Variants in CHERP observed in about 807,000 individuals in gnomAD.
CHERP encodes calcium homeostasis endoplasmic reticulum protein, also known as ERPROT 213-21.
A neutral mutation model predicts 113.8 loss-of-function variants in CHERP; 8 were observed. The ratio of observed to expected loss-of-function variants is 0.07; its 90% CI spans 0.04 to 0.13. The LOEUF is 0.13. Among genes scored for constraint, CHERP ranks in the 10% least tolerant of loss-of-function variants. CHERP has a pLI of 1.00. For missense variants in CHERP, 884 were observed against 1,298.2 expected (o/e 0.68, Z 4.90); for synonymous variants, 559 against 524.5 (o/e 1.07, Z -0.90).
At position 16,542,118 on chromosome 19, in the gene CHERP, C is replaced by G; in HGVS notation, c.26-75G>C. The G allele has an allele frequency of 2.7e-6, 4 of 1,495,110 alleles. No individual in the cohort carries two copies. In the South Asian group the frequency reaches 5.2e-5, roughly 19 times the overall value. 92.6% of individuals were successfully genotyped at this position (1,495,110 alleles called of 1,614,324 possible). Reference sequence around the variant, plus strand: ...AGCCGGGGGACTCGGCGCCCCAGCCCCCGTCCGCCTTGCCGGGGACCCCAA... The same window carrying G: ...AGCCGGGGGACTCGGCGCCCCAGCCGCCGTCCGCCTTGCCGGGGACCCCAA... On this transcript the variant is annotated intron_variant, in intron 1 of 16. Coordinates refer to ENST00000546361, the MANE Select transcript of CHERP (RefSeq NM_006387.6).
Position 16,523,169 on chromosome 19 carries a change from C to A in CHERP, c.1863G>T (p.Gly621=). Residue 621 remains glycine (G), a synonymous_variant, in exon 11 of 17, where the codon GGG becomes GGT. Transcript: ENST00000546361. This position sits in a 1 kb window ranked among gnomAD's most constrained non-coding sequence, Gnocchi z 4.0. ...DFGPPPHGFN[G]QPPHMRRQGP... ...CCTGTCGCCGCATGTGTGGGGGCTG[C>A]CCGTTGAAGCCATGGGGGGGAGGGC... 1 of 1,567,842 alleles carries A rather than the reference C, an allele frequency of 6.4e-7. No homozygotes were observed. The highest frequency in any genetic ancestry group is 8.6e-7 in the Non-Finnish European group (1 of 1,160,154).
intron 11 of CHERP, among the ~76,000 whole-genome samples, chr19:16,522,485 T>C (rs2085625925): frequency 6.6e-6 from 1 of 152,122 alleles, no homozygotes. Flanking sequence ...GGTCTCGATC[T>C]CCTGACCTCG....
At chr19:16,526,860 G>C (rs2085660846) in intron 9 of CHERP, among the ~76,000 whole-genome samples, 1 of 152,148 alleles carries the variant, frequency 6.6e-6, no homozygotes. Context: ...AGTCCTGGCT[G>C]AACCAATCTT....
Position 16,529,914 on chromosome 19 carries a change from G to T in CHERP, c.877-14C>A. The T allele has an allele frequency of 6.2e-7, 1 of 1,610,392 alleles. No homozygotes were observed. The highest frequency in any genetic ancestry group is 1.1e-5 in the South Asian group (1 of 90,890). On this transcript the variant is annotated splice_polypyrimidine_tract_variant and intron_variant, in intron 7 of 16. Coordinates refer to ENST00000546361, the MANE Select transcript of CHERP (RefSeq NM_006387.6). Reference sequence around the variant, plus strand: ...GATGAGGGTGGCCTGAGAGAGAGAAGAGCACCCGCTGCTCAGTATGCGGCC... The same window carrying T: ...GATGAGGGTGGCCTGAGAGAGAGAATAGCACCCGCTGCTCAGTATGCGGCC...
rs551957775 is a variant in CHERP at position 16,529,706 on chromosome 19, C to T, written c.1071G>A (p.Pro357=). 43 of 1,589,314 alleles carry T rather than the reference C, an allele frequency of 2.7e-5. No individual in the cohort carries two copies. The East Asian group carries it at 4.5e-4, about 17-fold the overall frequency. The change falls in exon 8 of 17, where the codon CCG becomes CCA. Residue 357 remains proline, a synonymous_variant. Transcript: ENST00000546361. ...GTGCTGGGGCCGGGGGTGGAGCAGG[C>T]GGTGGAGGCGTGGCCTTGACTTCAG... ...MEAEVKATPP[P]PAPPPAPAPA...
chr19:16,522,064 T>G (rs2085620753), intron 11 of CHERP, among the ~76,000 whole-genome samples: 1 of 152,176 alleles, frequency 6.6e-6, no homozygotes, highest in South Asian at 2.1e-4. Flanking sequence ...GCCTGTATCC[T>G]TCTTCTGCTC....
Position 16,520,312 on chromosome 19 carries a change from G to A in CHERP, c.2346-47C>T. ...GGTCAGCAGCAGCCAGGCGTCGTGG[G>A]GAGGCCACAGGAAGAGGCCTCAGGC... On this transcript the variant is annotated intron_variant, in intron 14 of 16. Coordinates refer to ENST00000546361, the MANE Select transcript of CHERP (RefSeq NM_006387.6). This position sits in a 1 kb window ranked among gnomAD's most constrained non-coding sequence, Gnocchi z 4.0. 1 of 1,610,788 alleles carries A rather than the reference G, an allele frequency of 6.2e-7. No individual in the cohort carries two copies. The highest frequency in any genetic ancestry group is 8.5e-7 in the Non-Finnish European group (1 of 1,177,730).
At position 16,535,511 on chromosome 19, in the gene CHERP, T is replaced by C; in HGVS notation, c.325A>G (p.Ile109Val). The change falls in exon 3 of 17, where the codon ATC becomes GTC. Residue 109 changes from isoleucine to valine, a missense_variant. Transcript: ENST00000546361. The surrounding 1 kb of genome is among the most constrained non-coding windows in gnomAD (Gnocchi z 4.3). ...TGGAGGTTCCACTGGCTCTGCTGGATGAGCTCGTCCATGGATGGCGCGCCC... is the reference window on the plus strand; with the variant it reads ...TGGAGGTTCCACTGGCTCTGCTGGACGAGCTCGTCCATGGATGGCGCGCCC... The part of the protein sequence containing the change: ...AQGAPSMDEL[I>V]QQSQWNLQQQ... 6.2e-7 allele frequency: 1 copy of C among 1,608,366 alleles called. No individual in the cohort carries two copies. Among genetic ancestry groups the C allele is most frequent in the South Asian group, 1.1e-5 (1 of 90,080 alleles).
intron 2 of CHERP, among the ~76,000 whole-genome samples, chr19:16,536,736 G>T (rs2085743730): frequency 6.6e-6 from 1 of 152,194 alleles, no homozygotes; most frequent in South Asian, 2.1e-4. Context: ...AACACATTGG[G>T]CTGGGCATGA....
rs1273926779 is a variant in CHERP at position 16,532,855 on chromosome 19, G to A, written c.523-106C>T. ...ATCAGCTCAGGGAAGGACACACCAT[G>A]AGCGTGGGGGGCACAGGGTCCCACA... On this transcript the variant is annotated intron_variant, in intron 4 of 16. Coordinates refer to ENST00000546361, the MANE Select transcript of CHERP (RefSeq NM_006387.6). This position sits in a 1 kb window ranked among gnomAD's most constrained non-coding sequence, Gnocchi z 4.4. 15 of 1,540,022 alleles carry A rather than the reference G, an allele frequency of 9.7e-6. No individual in the cohort carries two copies. Among genetic ancestry groups the A allele is most frequent in the Non-Finnish European group, 8.8e-6 (10 of 1,139,070 alleles).
At chr19:16,527,982 C>T (rs2085667838) in intron 9 of CHERP, 98 bp downstream of exon 9, 3 of 1,201,212 alleles carry the variant, frequency 2.5e-6, no homozygotes, top group Non-Finnish European at 3.6e-6. Context: ...TCATTGTTCC[C>T]CAGTAAGCCA....
At position 16,520,579 on chromosome 19, in the gene CHERP, TCCTAGACCA is replaced by T; in HGVS notation, c.2202-81_2202-73del. Reference sequence around the variant, plus strand: ...ACCCAGCCCACCCTGGCCCTCAGGTTCCTAGACCACCCCAGATGCAGGGGCTCTGGCTGT... The same window carrying T: ...ACCCAGCCCACCCTGGCCCTCAGGTTCCCCAGATGCAGGGGCTCTGGCTGT... On this transcript the variant is annotated intron_variant, in intron 13 of 16. Coordinates refer to ENST00000546361, the MANE Select transcript of CHERP (RefSeq NM_006387.6). This position sits in a 1 kb window ranked among gnomAD's most constrained non-coding sequence, Gnocchi z 4.0. 3.3e-6 allele frequency: 5 copies of T among 1,528,774 alleles called. No individual in the cohort carries two copies. Among genetic ancestry groups the T allele is most frequent in the Non-Finnish European group, 4.4e-6 (5 of 1,127,034 alleles). 94.7% of individuals were successfully genotyped at this position (1,528,774 alleles called of 1,614,324 possible).
Position 16,520,741 on chromosome 19 carries a change from TG to T in CHERP, c.2201+84del. The T allele has an allele frequency of 7.4e-7, 1 of 1,356,686 alleles. No individual in the cohort carries two copies. Among genetic ancestry groups the T allele is most frequent in the Admixed American group, 1.7e-5 (1 of 59,632 alleles). 84.0% of individuals were successfully genotyped at this position (1,356,686 alleles called of 1,614,324 possible). A position where few individuals can be genotyped will look rare whatever the true frequency, so the allele number is the denominator to read the frequency against. On this transcript the variant is annotated intron_variant, in intron 13 of 16. Transcript: ENST00000546361. The surrounding 1 kb of genome is among the most constrained non-coding windows in gnomAD (Gnocchi z 4.0). ...GGCACAGGCTGTGTGAGGGTGGACG[TG>T]ATGAGTGTATCTGGGGTCTGCTCCC...
rs766432296 is a variant in CHERP at position 16,529,892 on chromosome 19, G to A, written c.885C>T (p.Leu295=). 8.7e-6 allele frequency: 14 copies of A among 1,613,346 alleles called. 1 individual carries two copies. The South Asian group carries it at 1.5e-4, about 18-fold the overall frequency. The stretch of plus-strand genomic sequence containing the variant: ...GGACCACTGAGGAGTACTCGTTGAT[G>A]AGGGTGGCCTGAGAGAGAGAAGAGC... The part of the protein sequence containing the change: ...ALGLGQYQAT[L]INEYSSVVQP... Residue 295 remains leucine (L), a synonymous_variant, in exon 8 of 17, where the codon CTC becomes CTT. Coordinates refer to ENST00000546361, the MANE Select transcript of CHERP (RefSeq NM_006387.6).
At position 16,523,226 on chromosome 19, in the gene CHERP, C is replaced by A. The variant is rs557288720; in HGVS notation, c.1806G>T (p.Pro602=). 29 of 1,598,150 alleles carry A rather than the reference C, an allele frequency of 1.8e-5. No homozygotes were observed. The highest frequency in any genetic ancestry group is 2.2e-5 in the Non-Finnish European group (26 of 1,173,944). The change falls in exon 11 of 17, where the codon CCG becomes CCT. Residue 602 remains proline, a synonymous_variant. Coordinates refer to ENST00000546361, the MANE Select transcript of CHERP (RefSeq NM_006387.6). The surrounding 1 kb of genome is among the most constrained non-coding windows in gnomAD (Gnocchi z 4.0). ...RMPHPGINEH[P]PWAGPQHPDF... is the part of the protein sequence containing the mutation. The stretch of plus-strand genomic sequence containing the variant: ...CAGGGTGCTGGGGTCCAGCCCAAGG[C>A]GGGTGCTCGTTGATGCCAGGATGAG...
rs1281310118 is a variant in CHERP, at chr19:16,519,790, C to T, written c.2463-75G>A. 1 of 1,284,820 alleles carries T rather than the reference C, an allele frequency of 7.8e-7. No individual in the cohort carries two copies. The highest frequency in any genetic ancestry group is 2.3e-5 in the East Asian group (1 of 43,230). 79.6% of individuals were successfully genotyped at this position (1,284,820 alleles called of 1,614,324 possible). A position where few individuals can be genotyped will look rare whatever the true frequency, so the allele number is the denominator to read the frequency against. ...TGGAATGACAGTGATGAGGACCTCA[C>T]AGCCGCAGCTTGCGTGCATGCTCAC... On this transcript the variant is annotated intron_variant, in intron 15 of 16. Coordinates refer to ENST00000546361, the MANE Select transcript of CHERP (RefSeq NM_006387.6). This position sits in a 1 kb window ranked among gnomAD's most constrained non-coding sequence, Gnocchi z 6.0.
At chr19:16,537,667 C>T (rs1158402747) in intron 2 of CHERP, among the ~76,000 whole-genome samples, 1 of 152,146 alleles carries the variant, frequency 6.6e-6, no homozygotes, top group Non-Finnish European at 1.5e-5. Context: ...AGACATCACT[C>T]CAATCAGTCT....
intron 12 of CHERP, 93 bp downstream of exon 12, chr19:16,521,428 C>A (rs1351838945): frequency 3.9e-6 from 5 of 1,277,134 alleles, no homozygotes; most frequent in Middle Eastern, 2.8e-4. Context: ...GAGGGACAGC[C>A]ACATTTTCTA....
chr19:16,520,574 C>G lies in CHERP; in HGVS notation c.2202-67G>C, dbSNP rs1040724590. Reference sequence around the variant, plus strand: ...GCTGCACCCAGCCCACCCTGGCCCTCAGGTTCCTAGACCACCCCAGATGCA... The same window carrying G: ...GCTGCACCCAGCCCACCCTGGCCCTGAGGTTCCTAGACCACCCCAGATGCA... On this transcript the variant is annotated intron_variant, in intron 13 of 16. Coordinates refer to ENST00000546361, the MANE Select transcript of CHERP (RefSeq NM_006387.6). The surrounding 1 kb of genome is among the most constrained non-coding windows in gnomAD (Gnocchi z 4.0). 1 of 1,554,920 alleles carries G rather than the reference C, an allele frequency of 6.4e-7. No individual in the cohort carries two copies. Among genetic ancestry groups the G allele is most frequent in the Non-Finnish European group, 8.7e-7 (1 of 1,147,666 alleles).
Sources: allele counts gnomAD v4.1 joint callset (sites outside exome capture counted in the v4.1 genomes callset), GRCh38; gene constraint gnomAD v4.1.1; non-coding constraint Gnocchi (gnomAD v3.1); transcripts MANE v1.5; gene names NCBI Gene and HGNC (gene_info 2026-07-23, HGNC 2026-07-21).